Variants in PCDHGA12 observed in about 807,000 individuals in gnomAD.
The protein encoded by PCDHGA12 is protocadherin gamma subfamily A, 12, also known as protocadherin gamma-A12.
Under a neutral mutation model 61.1 loss-of-function variants are expected in PCDHGA12, and 43 were observed. The observed-to-expected ratio is 0.70, with a 90% CI of 0.55 to 0.91. The LOEUF (loss-of-function observed/expected upper bound fraction) is 0.91, where lower values mean the gene tolerates loss of function less well. Ranked by LOEUF, PCDHGA12 falls within the 40% of genes least tolerant of loss-of-function variation. The pLI is 0.00. For synonymous variants in PCDHGA12, 520 were observed against 542.9 expected, an observed-to-expected ratio of 0.96 and a Z score of 0.59; for missense variants, 1,236 against 1,227.7, an observed-to-expected ratio of 1.01 and a Z score of -0.10.
At position 141,431,140 on chromosome 5, in the gene PCDHGA12, C is replaced by T. The variant is rs145692116; in HGVS notation, c.381C>T (p.Asn127=). 2.4e-5 allele frequency: 38 copies of T among 1,614,208 alleles called. No individual in the cohort carries two copies. Among genetic ancestry groups the T allele is most frequent in the Admixed American group, 3.3e-5 (2 of 60,038 alleles). The change falls in exon 1 of 4, where the codon AAC becomes AAT. Residue 127 remains asparagine, a synonymous_variant. Coordinates refer to ENST00000252085, the MANE Select transcript of PCDHGA12 (RefSeq NM_003735.3). This position sits in a 1 kb window ranked among gnomAD's most constrained non-coding sequence, Gnocchi z 4.8. ...YGVEVEVRDI[N]DNAPYFRESE... is the part of the protein sequence containing the mutation. ...TAGAAGTAGAAGTAAGGGACATTAA[C>T]GACAATGCGCCTTACTTTCGTGAAA...
At chr5:141,502,697 T>C (rs893610041) in intron 2 of PCDHGA12, among the ~76,000 whole-genome samples, 13 of 152,208 alleles carry the variant, frequency 8.5e-5, no homozygotes, top group African/African-American at 3.1e-4. Context: ...CTTGCCTGTA[T>C]CTGTTTTTAC....
In PCDHGA12 at chr5:141,491,715, G is replaced by A. The variant is rs1333909488; in HGVS notation, c.2425-3092G>A. 1 of 1,607,782 alleles carries A rather than the reference G, an allele frequency of 6.2e-7. No individual in the cohort carries two copies. Among genetic ancestry groups the A allele is most frequent in the Admixed American group, 1.7e-5 (1 of 58,966 alleles). On this transcript the variant is annotated intron_variant, in intron 1 of 3. Transcript: ENST00000252085. This position sits in a 1 kb window ranked among gnomAD's most constrained non-coding sequence, Gnocchi z 6.9. ...AGCGGAGCCAGGTGAGGGGCTCGGC[G>A]CCGCCCCGGGCGACCCCTGGGGGCG...
In PCDHGA12 at chr5:141,485,368, G is replaced by T. The variant is rs2154580406; in HGVS notation, c.2425-9439G>T. On this transcript the variant is annotated intron_variant, in intron 1 of 3. Coordinates refer to ENST00000252085, the MANE Select transcript of PCDHGA12 (RefSeq NM_003735.3). This position sits in a 1 kb window ranked among gnomAD's most constrained non-coding sequence, Gnocchi z 5.7. Reference sequence around the variant, plus strand: ...ACAGTCTGTCAGCTCGCAGGCTGCAGGTCGCTGGAGAGGTGAACCAAAGAC... The same window carrying T: ...ACAGTCTGTCAGCTCGCAGGCTGCATGTCGCTGGAGAGGTGAACCAAAGAC... The T allele has an allele frequency of 6.2e-7, 1 of 1,614,144 alleles. No individual in the cohort carries two copies. The highest frequency in any genetic ancestry group is 2.2e-5 in the East Asian group (1 of 44,866).
intron 1 of PCDHGA12, chr5:141,478,541 G>T (rs905837179): frequency 1.2e-6 from 2 of 1,605,590 alleles, no homozygotes; most frequent in Non-Finnish European, 1.7e-6. Flanking sequence ...CGCCCCTCCC[G>T]GACAGGTAAG....
At chr5:141,478,708 A>G (rs1394463788) in intron 1 of PCDHGA12, 31 of 1,548,072 alleles carry the variant, frequency 2.0e-5, no homozygotes, top group Non-Finnish European at 2.5e-5. Context: ...TGCCTTTGTG[A>G]GATGGTGGCC....
intron 1 of PCDHGA12, among the ~76,000 whole-genome samples, chr5:141,494,568 C>T (rs2099755322): frequency 6.6e-6 from 1 of 152,138 alleles, no homozygotes; most frequent in African/African-American, 2.4e-5. Context: ...GGAAAGGAGT[C>T]TCAGCTTGCT....
At chr5:141,495,175 C>T (rs1337353259) in intron 2 of PCDHGA12, among the ~76,000 whole-genome samples, 1 of 152,182 alleles carries the variant, frequency 6.6e-6, no homozygotes, top group Admixed American at 6.5e-5. Context: ...TGGGTGAAAG[C>T]GAGGCTTTCT....
At chr5:141,473,779 T>C (rs2099328680) in intron 1 of PCDHGA12, among the ~76,000 whole-genome samples, 1 of 152,204 alleles carries the variant, frequency 6.6e-6, no homozygotes, top group Non-Finnish European at 1.5e-5. Context: ...GGTATTTTAA[T>C]TCAAGAGCAG....
At chr5:141,474,130 C>T (rs28684928) in intron 1 of PCDHGA12, among the ~76,000 whole-genome samples, 6 of 152,160 alleles carry the variant, frequency 3.9e-5, no homozygotes. Context: ...TCTCAGAAAA[C>T]TACAGGCCTT....
At chr5:141,474,447 G>A (rs1263877262) in intron 1 of PCDHGA12, among the ~76,000 whole-genome samples, 1 of 152,218 alleles carries the variant, frequency 6.6e-6, no homozygotes, top group Non-Finnish European at 1.5e-5. Flanking sequence ...AGTAGCAAGT[G>A]ATTGGGCTAT....
In PCDHGA12 at chr5:141,486,092, C is replaced by A; in HGVS notation, c.2425-8715C>A. Reference sequence around the variant, plus strand: ...TACTGGAAAGCTTACTCTTTTGGGGCCCCTAGACTTTGAGAGTGAGAATTA... The same window carrying A: ...TACTGGAAAGCTTACTCTTTTGGGGACCCTAGACTTTGAGAGTGAGAATTA... On this transcript the variant is annotated intron_variant, in intron 1 of 3. Coordinates refer to ENST00000252085, the MANE Select transcript of PCDHGA12 (RefSeq NM_003735.3). The surrounding 1 kb of genome is among the most constrained non-coding windows in gnomAD (Gnocchi z 5.0). 1.9e-6 allele frequency: 3 copies of A among 1,614,148 alleles called. No individual in the cohort carries two copies. Among genetic ancestry groups the A allele is most frequent in the Non-Finnish European group, 2.5e-6 (3 of 1,180,008 alleles).
At chr5:141,448,114 A>G (rs1483138819) in intron 1 of PCDHGA12, among the ~76,000 whole-genome samples, 1 of 151,948 alleles carries the variant, frequency 6.6e-6, no homozygotes, top group Non-Finnish European at 1.5e-5. Flanking sequence ...AGAAAAGAAA[A>G]TTAGCCTCCC....
chr5:141,460,414 T>G (rs1289935272), intron 1 of PCDHGA12, among the ~76,000 whole-genome samples: 1 of 152,216 alleles, frequency 6.6e-6, no homozygotes, highest in Non-Finnish European at 1.5e-5. Context: ...GAGTTGATGT[T>G]TATGTATGGT....
chr5:141,474,687 A>G (rs369586568), intron 1 of PCDHGA12, among the ~76,000 whole-genome samples: 35 of 152,302 alleles, frequency 2.3e-4, no homozygotes, highest in African/African-American at 7.7e-4. Flanking sequence ...CTACCCCTTC[A>G]CTTATGTTCA....
chr5:141,432,864 G>A lies in PCDHGA12; in HGVS notation c.2105G>A (p.Cys702Tyr). The change falls in exon 1 of 4, where the codon TGC becomes TAC. Residue 702 changes from cysteine to tyrosine, a missense_variant. Coordinates refer to ENST00000252085, the MANE Select transcript of PCDHGA12 (RefSeq NM_003735.3). The surrounding 1 kb of genome is among the most constrained non-coding windows in gnomAD (Gnocchi z 6.0). ...YLVVAVAAVS[C>Y]VFLAFVILLL... ...GTGGTAGCGGTGGCCGCGGTCTCCT[G>A]CGTCTTCCTGGCCTTCGTCATCTTG... 6.2e-7 allele frequency: 1 copy of A among 1,614,168 alleles called. No individual in the cohort carries two copies. Among genetic ancestry groups the A allele is most frequent in the South Asian group, 1.1e-5 (1 of 91,084 alleles).
At chr5:141,468,953 T>G (rs182999574) in intron 1 of PCDHGA12, among the ~76,000 whole-genome samples, 1,938 of 89,156 alleles carry the variant, frequency 0.022, 22 homozygotes, top group Non-Finnish European at 0.033. Flanking sequence ...AAACCTGTGG[T>G]TTTTTTTACC....
chr5:141,505,523 G>A, intron 3 of PCDHGA12, 42 bp downstream of exon 3: 1 of 1,612,760 alleles, frequency 6.2e-7, no homozygotes, highest in Middle Eastern at 1.7e-4. Flanking sequence ...GGGAGACCTG[G>A]GGTTCTGGGG....
chr5:141,436,063 A>G (rs1406994228), intron 1 of PCDHGA12, among the ~76,000 whole-genome samples: 1 of 152,230 alleles, frequency 6.6e-6, no homozygotes, highest in Non-Finnish European at 1.5e-5. Flanking sequence ...ATAGAATTTA[A>G]TAAGTACAGT....
At chr5:141,437,381 C>T (rs2097879875) in intron 1 of PCDHGA12, among the ~76,000 whole-genome samples, 1 of 152,222 alleles carries the variant, frequency 6.6e-6, no homozygotes, top group Non-Finnish European at 1.5e-5. Flanking sequence ...AGTCAGAAGA[C>T]ATTCATCCAC....
Sources: allele counts gnomAD v4.1 joint callset (sites outside exome capture counted in the v4.1 genomes callset), GRCh38; gene constraint gnomAD v4.1.1; non-coding constraint Gnocchi (gnomAD v3.1); transcripts MANE v1.5; gene names NCBI Gene and HGNC (gene_info 2026-07-23, HGNC 2026-07-21).